KAZN: variants seen among roughly 807,000 people sequenced by gnomAD.
KAZN encodes kazrin.
In KAZN, 40 loss-of-function variants were observed where a neutral mutation model predicts 87.4. That is an observed-to-expected ratio of 0.46 (90% CI 0.36 to 0.60). KAZN has a LOEUF of 0.60. KAZN is among the 20% of genes least tolerant of loss of function. The pLI is 0.00. For missense variants in KAZN, 898 were observed against 1,073.9 expected, an observed-to-expected ratio of 0.84 and a Z score of 2.29; for synonymous variants, 466 against 458.3, an observed-to-expected ratio of 1.02 and a Z score of -0.22.
intron 14 of KAZN, 55 bp from the exon 15 acceptor site, chr1:15,114,416 T>G: frequency 2.1e-6 from 3 of 1,442,714 alleles, no homozygotes; most frequent in Non-Finnish European, 2.9e-6. Flanking sequence ...AGACCTTCAT[T>G]CTTAATTCTT....
chr1:14,946,539 G>A (rs1301480299), intron 1 of KAZN, among the ~76,000 whole-genome samples: 4 of 151,908 alleles, frequency 2.6e-5, no homozygotes, highest in Non-Finnish European at 5.9e-5. Context: ...GGGTTTCACC[G>A]TGTTAGCCAG....
chr1:15,100,186 C>G (rs1640994279), intron 10 of KAZN, among the ~76,000 whole-genome samples: 1 of 152,104 alleles, frequency 6.6e-6, no homozygotes, highest in African/African-American at 2.4e-5. Flanking sequence ...GACAGGAGTG[C>G]CTGGAGAAAG....
chr1:14,990,689 C>T (rs1275892747), intron 2 of KAZN, among the ~76,000 whole-genome samples: 1 of 151,850 alleles, frequency 6.6e-6, no homozygotes, highest in Non-Finnish European at 1.5e-5. Flanking sequence ...ACCCTTGCCA[C>T]CCTCCCTGCT....
At chr1:14,314,363 C>T (rs945992202) in intron 2 of KAZN, among the ~76,000 whole-genome samples, 2 of 152,268 alleles carry the variant, frequency 1.3e-5, no homozygotes, top group African/African-American at 4.8e-5. Context: ...ACTCCTTCCA[C>T]ATTACCCAGA....
At chr1:14,828,493 G>A (rs1646963109) in intron 1 of KAZN, among the ~76,000 whole-genome samples, 1 of 152,148 alleles carries the variant, frequency 6.6e-6, no homozygotes, top group Admixed American at 6.5e-5. Context: ...GAGGGTGCAT[G>A]AGCTCTGGGA....
At chr1:14,443,397 C>T (rs527922276) in intron 2 of KAZN, among the ~76,000 whole-genome samples, 1 of 152,286 alleles carries the variant, frequency 6.6e-6, no homozygotes, top group African/African-American at 2.4e-5. Flanking sequence ...GGAGATAAGA[C>T]ACGAGACACA....
rs71272488 is a variant in KAZN at position 13,981,093 on chromosome 1, A to ATATATATATATATATATATG, written c.91+87354_91+87355insATGTATATATATATATATAT. Among the ~76,000 whole-genome samples the ATATATATATATATATATATG allele has an allele frequency of 9.0e-4, 70 of 78,144 alleles. 4 individuals carry two copies. Among genetic ancestry groups the ATATATATATATATATATATG allele is most frequent in the African/African-American group, 2.8e-3 (60 of 21,800 alleles). The allele number at this position is 78,144 out of a possible 152,430, so 51.3% of individuals were successfully genotyped here. A position where few individuals can be genotyped will look rare whatever the true frequency, so the allele number is the denominator to read the frequency against. On this transcript the variant is annotated intron_variant, in intron 1 of 16. Transcript: ENST00000636203. ...AGAGGTATAAAAAATTACTCTTTAT[A>ATATATATATATATATATATG]TATATATATATATATATGTATATAT...
chr1:14,619,144 A>G (rs1268133912), intron 1 of KAZN, among the ~76,000 whole-genome samples: 1 of 152,148 alleles, frequency 6.6e-6, no homozygotes, highest in Non-Finnish European at 1.5e-5. Flanking sequence ...CTGATAAACT[A>G]AGAAAAGGAA....
chr1:14,592,349 T>C (rs1470895357), intron 2 of KAZN, among the ~76,000 whole-genome samples: 1 of 152,144 alleles, frequency 6.6e-6, no homozygotes, highest in Non-Finnish European at 1.5e-5. Flanking sequence ...CTCAAAAGGC[T>C]CCTGGCATAT....
chr1:13,910,854 G>A (rs1639629580), intron 1 of KAZN, among the ~76,000 whole-genome samples: 1 of 152,072 alleles, frequency 6.6e-6, no homozygotes, highest in African/African-American at 2.4e-5. Flanking sequence ...AAATACCTGA[G>A]ACTGGGTAAT....
intron 1 of KAZN, among the ~76,000 whole-genome samples, chr1:14,776,361 C>T (rs145670157): frequency 0.011 from 1,716 of 152,286 alleles, 56 homozygotes; most frequent in Admixed American, 0.076. Flanking sequence ...GGGCATACCT[C>T]ATGCTTCCCT....
chr1:15,037,690 C>T (rs1387246763), intron 3 of KAZN, among the ~76,000 whole-genome samples: 1 of 152,162 alleles, frequency 6.6e-6, no homozygotes, highest in East Asian at 1.9e-4. Flanking sequence ...CGGCCCCTCA[C>T]CTGCCACTCC....
At chr1:14,797,989 T>C (rs1645883513) in intron 1 of KAZN, among the ~76,000 whole-genome samples, 1 of 152,194 alleles carries the variant, frequency 6.6e-6, no homozygotes, top group Admixed American at 6.5e-5. Context: ...CTTTGTACAC[T>C]GGGAAGAAGG....
intron 1 of KAZN, among the ~76,000 whole-genome samples, chr1:14,922,061 T>C (rs2101498002): frequency 6.6e-6 from 1 of 152,374 alleles, no homozygotes; most frequent in East Asian, 1.9e-4. Flanking sequence ...CACATGTCTC[T>C]ATCAAAAGTA....
chr1:14,663,317 T>C (rs1319462682), intron 1 of KAZN, among the ~76,000 whole-genome samples: 1 of 152,138 alleles, frequency 6.6e-6, no homozygotes, highest in Non-Finnish European at 1.5e-5. Context: ...TACTCCTATT[T>C]GCACATGATG....
At chr1:14,527,567 G>A (rs188475101) in intron 2 of KAZN, among the ~76,000 whole-genome samples, 4 of 139,742 alleles carry the variant, frequency 2.9e-5, no homozygotes, top group East Asian at 2.3e-4. Context: ...AAAAAAAAAC[G>A]ATACAGGTTT....
At chr1:14,264,411 A>G (rs1651316068) in intron 2 of KAZN, among the ~76,000 whole-genome samples, 1 of 152,224 alleles carries the variant, frequency 6.6e-6, no homozygotes, top group Non-Finnish European at 1.5e-5. Context: ...TCAATGCAAC[A>G]GCGTTGGAAG....
chr1:14,586,525 G>GTT (rs371736294), intron 2 of KAZN, among the ~76,000 whole-genome samples: 20,685 of 125,100 alleles, frequency 0.17, 1,959 homozygotes, highest in East Asian at 0.31. Context: ...TTTCTTTCTG[G>GTT]TTTTTTTTTT....
At chr1:14,074,920 A>G (rs1643392389) in intron 1 of KAZN, among the ~76,000 whole-genome samples, 1 of 152,120 alleles carries the variant, frequency 6.6e-6, no homozygotes, top group South Asian at 2.1e-4. Flanking sequence ...TCCACCCTCT[A>G]AGTGAAATGT....
Sources: allele counts gnomAD v4.1 joint callset (sites outside exome capture counted in the v4.1 genomes callset), GRCh38; gene constraint gnomAD v4.1.1; transcripts MANE v1.5; gene names NCBI Gene and HGNC (gene_info 2026-07-23, HGNC 2026-07-21).